TNS3: variants seen among roughly 807,000 people sequenced by gnomAD.
The protein encoded by TNS3 is tensin 3, also known as tensin-3.
TNS3 carries 45 observed loss-of-function variants against 140.9 expected under a neutral mutation model. That is an observed-to-expected ratio of 0.32 (90% CI 0.25 to 0.41). The LOEUF is 0.41. TNS3 is among the 10% of genes least tolerant of loss of function. TNS3 has a pLI of 1.00. For missense variants in TNS3, 1,716 were observed against 1,906.7 expected (o/e 0.90, Z 1.86); for synonymous variants, 815 against 788.4 (o/e 1.03, Z -0.56).
intron 3 of TNS3, among the ~76,000 whole-genome samples, chr7:47,505,789 G>T (rs1350341240): frequency 2.0e-5 from 3 of 152,218 alleles, no homozygotes; most frequent in African/African-American, 7.2e-5. Flanking sequence ...AAATGTGTTT[G>T]TGTGCATGTG....
chr7:47,556,510 C>T (rs769788784), intron 1 of TNS3, among the ~76,000 whole-genome samples: 6 of 152,166 alleles, frequency 3.9e-5, no homozygotes, highest in Non-Finnish European at 5.9e-5. Context: ...GGTAGGGAAC[C>T]GAGGACGACA....
rs374372393 is a variant in TNS3 at position 47,304,802 on chromosome 7, T to C, written c.2822+30A>G. ...GCATTCTGGGTCTTTAAGGGGAACT[T>C]GTGCCAAGTTTAAAGATCCATCTTC... On this transcript the variant is annotated intron_variant, in intron 21 of 30. Transcript: ENST00000311160. 8.9e-6 allele frequency: 12 copies of C among 1,345,720 alleles called. No individual in the cohort carries two copies. In the African/African-American group the frequency reaches 1.8e-4, roughly 20 times the overall value. The allele number at this position is 1,345,720 out of a possible 1,614,324, so 83.4% of individuals were successfully genotyped here. A position where few individuals can be genotyped will look rare whatever the true frequency, so the allele number is the denominator to read the frequency against.
At chr7:47,328,277 G>A (rs1436153239) in intron 20 of TNS3, among the ~76,000 whole-genome samples, 6 of 152,196 alleles carry the variant, frequency 3.9e-5, no homozygotes, top group Admixed American at 6.5e-5. Flanking sequence ...TGGCTGTCGC[G>A]GGCGGCCTGC....
chr7:47,365,117 TAAAA>T (rs1790614803), intron 17 of TNS3, among the ~76,000 whole-genome samples: 1 of 152,234 alleles, frequency 6.6e-6, no homozygotes, highest in Non-Finnish European at 1.5e-5. Flanking sequence ...ACTTTTATAA[TAAAA>T]CGCATTAAAG....
intron 16 of TNS3, among the ~76,000 whole-genome samples, chr7:47,370,024 T>C (rs899994592): frequency 6.6e-6 from 1 of 152,246 alleles, no homozygotes; most frequent in East Asian, 1.9e-4. Context: ...CTTCCGTTCA[T>C]AGACCTGTCT....
chr7:47,443,792 A>G (rs1224028116), intron 4 of TNS3, among the ~76,000 whole-genome samples: 2 of 152,126 alleles, frequency 1.3e-5, no homozygotes, highest in African/African-American at 2.4e-5. Flanking sequence ...GTGGTGGCGC[A>G]CACCTGTAAT....
Position 47,276,412 on chromosome 7 carries a change from G to A in TNS3, c.*1664C>T, listed in dbSNP as rs1784872345. On this transcript the variant is annotated 3_prime_UTR_variant, in exon 31 of 31. Transcript: ENST00000311160. Reference sequence around the variant, plus strand: ...GTTTTCCTCGGCCCCTCACTTTAAAGCAGAGTTCACAAAGCACATTCCCAA... The same window carrying A: ...GTTTTCCTCGGCCCCTCACTTTAAAACAGAGTTCACAAAGCACATTCCCAA... 6.6e-6 allele frequency: 1 copy of A among 152,422 alleles called. No individual in the cohort carries two copies. Among genetic ancestry groups the A allele is most frequent in the South Asian group, 2.1e-4 (1 of 4,828 alleles). The allele number at this position is 152,422 out of a possible 1,614,324, so 9.4% of individuals were successfully genotyped here.
At chr7:47,438,194 A>AG (rs546988161) in intron 6 of TNS3, among the ~76,000 whole-genome samples, 18 of 152,166 alleles carry the variant, frequency 1.2e-4, no homozygotes, top group East Asian at 3.9e-4. Context: ...GTTTATGACA[A>AG]GGGGGGGCGC....
intron 18 of TNS3, among the ~76,000 whole-genome samples, chr7:47,345,343 G>A (rs1194749130): frequency 3.3e-5 from 5 of 152,208 alleles, no homozygotes; most frequent in African/African-American, 1.2e-4. Flanking sequence ...ACAGGTAAAT[G>A]AGTATCTCAA....
chr7:47,385,473 C>T (rs1792022032), intron 16 of TNS3, among the ~76,000 whole-genome samples: 1 of 152,164 alleles, frequency 6.6e-6, no homozygotes, highest in Non-Finnish European at 1.5e-5. Context: ...TCTGCAGCAT[C>T]CAGCACTGCC....
intron 2 of TNS3, among the ~76,000 whole-genome samples, chr7:47,525,946 T>C (rs1799175785): frequency 6.6e-6 from 1 of 152,114 alleles, no homozygotes; most frequent in African/African-American, 2.4e-5. Flanking sequence ...CCCTTCTGAG[T>C]GTGTGCAACT....
chr7:47,549,466 GC>G (rs1800005040), intron 1 of TNS3, among the ~76,000 whole-genome samples: 1 of 152,052 alleles, frequency 6.6e-6, no homozygotes. Flanking sequence ...CTGCACTCCA[GC>G]CCGGCAACAG....
chr7:47,324,015 TTG>T (rs1186186590), intron 20 of TNS3, among the ~76,000 whole-genome samples: 4 of 152,226 alleles, frequency 2.6e-5, no homozygotes, highest in Non-Finnish European at 5.9e-5. Context: ...GGAACTGATG[TTG>T]GCATGTGTTA....
At chr7:47,449,886 G>A (rs979667666) in intron 4 of TNS3, among the ~76,000 whole-genome samples, 1 of 152,212 alleles carries the variant, frequency 6.6e-6, no homozygotes, top group Non-Finnish European at 1.5e-5. Flanking sequence ...GATTACAGGC[G>A]TGAGCCACCA....
At chr7:47,368,327 A>G (rs750729877) in intron 17 of TNS3, 38 bp downstream of exon 17, 4 of 1,436,916 alleles carry the variant, frequency 2.8e-6, no homozygotes, top group African/African-American at 2.9e-5. Context: ...CCCGTGGAGC[A>G]CCTCCCGTGG....
intron 4 of TNS3, among the ~76,000 whole-genome samples, chr7:47,459,747 T>C (rs530903942): frequency 3.3e-5 from 5 of 152,250 alleles, no homozygotes; most frequent in South Asian, 2.1e-4. Flanking sequence ...ATCAAGACCA[T>C]AACTTCAAGT....
At chr7:47,533,737 T>G (rs1349507978) in intron 1 of TNS3, among the ~76,000 whole-genome samples, 1 of 152,128 alleles carries the variant, frequency 6.6e-6, no homozygotes, top group African/African-American at 2.4e-5. Flanking sequence ...TCCTGTGCTG[T>G]TCTCATGATA....
At chr7:47,328,451 A>G (rs1336548942) in intron 20 of TNS3, among the ~76,000 whole-genome samples, 1 of 152,162 alleles carries the variant, frequency 6.6e-6, no homozygotes. Context: ...CCATCACCCA[A>G]GGCACAAGCG....
intron 12 of TNS3, among the ~76,000 whole-genome samples, chr7:47,412,600 A>T: frequency 6.6e-6 from 1 of 152,242 alleles, no homozygotes; most frequent in Non-Finnish European, 1.5e-5. Flanking sequence ...TCTCTCAAAA[A>T]AAATAAATAA....
Sources: allele counts gnomAD v4.1 joint callset (sites outside exome capture counted in the v4.1 genomes callset), GRCh38; gene constraint gnomAD v4.1.1; transcripts MANE v1.5; gene names NCBI Gene and HGNC (gene_info 2026-07-23, HGNC 2026-07-21).